Variants in ZNF514 observed in about 807,000 individuals in gnomAD.
ZNF514 encodes zinc finger protein 514.
ZNF514 carries 12 observed loss-of-function variants against 9.7 expected under a neutral mutation model. The observed-to-expected ratio is 1.24, with a 90% confidence interval of 0.79 to 2.01. The LOEUF (loss-of-function observed/expected upper bound fraction) is 2.01, where lower values mean the gene tolerates loss of function less well. Ranked by LOEUF, ZNF514 falls within the 30% of genes most tolerant of loss-of-function variation. The probability of loss-of-function intolerance (pLI) is 0.00; values close to 1 mark genes in which losing one functional copy is unlikely to be tolerated. For synonymous variants in ZNF514, 158 were observed against 163.7 expected, an observed-to-expected ratio of 0.97 and a Z score of 0.27; for missense variants, 467 against 465.5, an observed-to-expected ratio of 1.00 and a Z score of -0.03.
the ZNF514 span, among the ~76,000 whole-genome samples, chr2:95,135,013 AT>A: frequency 1.3e-5 from 2 of 152,224 alleles, no homozygotes; most frequent in South Asian, 4.1e-4. Flanking sequence ...AAGTTTTGAA[AT>A]TAGTAAGTGT....
Position 95,150,254 on chromosome 2 carries a change from C to T in ZNF514, c.231G>A (p.Arg77=). Residue 77 remains arginine (R), a synonymous_variant, in exon 5 of 5, where the codon AGG becomes AGA. Transcript: ENST00000295208. Reference sequence around the variant, plus strand: ...TTGGCATTGATTCCTTGGATTTAGACCTTCTCTTCCAGTCTGTTAAAAAAA... The same window carrying T: ...TTGGCATTGATTCCTTGGATTTAGATCTTCTCTTCCAGTCTGTTAAAAAAA... ...STGAHSDWKR[R]SKSKESMPSW... 1.3e-6 allele frequency: 2 copies of T among 1,553,124 alleles called. No homozygotes were observed. Among genetic ancestry groups the T allele is most frequent in the Non-Finnish European group, 1.7e-6 (2 of 1,158,488 alleles).
chr2:95,130,302 C>T, the ZNF514 span, among the ~76,000 whole-genome samples: 2 of 152,050 alleles, frequency 1.3e-5, no homozygotes, highest in Non-Finnish European at 2.9e-5. Flanking sequence ...GGAGGCAGGG[C>T]GAGATCACAG....
At chr2:95,143,449 G>A (rs1378505305), downstream of ZNF514, among the ~76,000 whole-genome samples, 3 of 151,928 alleles carry the variant, frequency 2.0e-5, no homozygotes, top group Non-Finnish European at 2.9e-5. Context: ...GGAGAAACCC[G>A]TCTCTATTAA....
At chr2:95,143,561 G>C (rs1360510003), downstream of ZNF514, among the ~76,000 whole-genome samples, 3 of 152,204 alleles carry the variant, frequency 2.0e-5, no homozygotes, top group Admixed American at 2.0e-4. Context: ...AGAAGTTACA[G>C]TGTGCCAAGA....
chr2:95,126,945 C>G, the ZNF514 span, among the ~76,000 whole-genome samples: 1 of 152,090 alleles, frequency 6.6e-6, no homozygotes, highest in African/African-American at 2.4e-5. Flanking sequence ...ATTGCGCCCA[C>G]CGTGAGACAG....
the ZNF514 span, among the ~76,000 whole-genome samples, chr2:95,127,229 G>T: frequency 1.3e-5 from 2 of 152,152 alleles, no homozygotes; most frequent in African/African-American, 2.4e-5. Flanking sequence ...CCCTTCACTC[G>T]AGGGACTCTG....
chr2:95,159,528 G>A lies in ZNF514; in HGVS notation c.-384C>T, dbSNP rs1673790045. On this transcript the variant is annotated 5_prime_UTR_variant, in exon 1 of 5. Coordinates refer to ENST00000295208, the MANE Select transcript of ZNF514 (RefSeq NM_032788.3). ...ACACACCCAGCTCTGTAAGGGGCCG[G>A]GGCGCGGGCCCAGTACAGGTCTGCG... 1 of 152,772 alleles carries A rather than the reference G, an allele frequency of 6.5e-6. No individual in the cohort carries two copies. The allele number at this position is 152,772 out of a possible 1,614,324, so 9.5% of individuals were successfully genotyped here.
At chr2:95,129,287 A>G in the ZNF514 span, among the ~76,000 whole-genome samples, 3 of 152,254 alleles carry the variant, frequency 2.0e-5, no homozygotes, top group Admixed American at 6.5e-5. Context: ...ACATTTATTC[A>G]GGAAGAGCTA....
the ZNF514 span, among the ~76,000 whole-genome samples, chr2:95,134,614 G>C: frequency 1.9e-4 from 29 of 152,154 alleles, no homozygotes; most frequent in Non-Finnish European, 3.4e-4. Context: ...ATACCCTTTA[G>C]CTGTTTCTCC....
the ZNF514 span, among the ~76,000 whole-genome samples, chr2:95,132,770 A>G: frequency 6.6e-6 from 1 of 151,276 alleles, no homozygotes; most frequent in East Asian, 2.0e-4. Flanking sequence ...CAGGAGGCTG[A>G]AGCAGGAGAC....
At position 95,152,739 on chromosome 2, in the gene ZNF514, C is replaced by A. The variant is rs757511183; in HGVS notation, c.152G>T (p.Cys51Phe). The A allele has an allele frequency of 5.0e-6, 8 of 1,614,062 alleles. No homozygotes were observed. The South Asian group carries it at 8.8e-5, about 18-fold the overall frequency. Residue 51 changes from cysteine to phenylalanine, a missense_variant, in exon 4 of 5, where the codon TGC becomes TTC. Physicochemically the swap from Cys to Phe is radical, Grantham distance 205. Transcript: ENST00000295208. ...GLLVSKPYVI[C>F]QLEEGGEPFM... ...GGGCTCACCCCCTTCCTCCAACTGGCAGATCACATATGGTTTGGATACTAG... is the reference window on the plus strand; with the variant it reads ...GGGCTCACCCCCTTCCTCCAACTGGAAGATCACATATGGTTTGGATACTAG...
At chr2:95,144,629 CCT>C (rs1465987228), downstream of ZNF514, among the ~76,000 whole-genome samples, 4 of 152,146 alleles carry the variant, frequency 2.6e-5, no homozygotes, top group African/African-American at 9.7e-5. Flanking sequence ...TGATTTGTGT[CCT>C]TTTTCTATAA....
At chr2:95,152,588 A>G in intron 4 of ZNF514, 86 bp downstream of exon 4, 1 of 1,067,534 alleles carries the variant, frequency 9.4e-7, no homozygotes, top group South Asian at 1.3e-5. Flanking sequence ...ATCTTCTGAA[A>G]GGACAGCACA....
rs1280777377 is a variant in ZNF514 at position 95,159,534 on chromosome 2, G to A, written c.-390C>T. 2 of 152,754 alleles carry A rather than the reference G, an allele frequency of 1.3e-5. No homozygotes were observed. Among genetic ancestry groups the A allele is most frequent in the Non-Finnish European group, 2.9e-5 (2 of 68,206 alleles). 9.5% of individuals were successfully genotyped at this position (152,754 alleles called of 1,614,324 possible). The stretch of plus-strand genomic sequence containing the variant: ...CCAGCTCTGTAAGGGGCCGGGGCGC[G>A]GGCCCAGTACAGGTCTGCGCGCCCG... On this transcript the variant is annotated 5_prime_UTR_variant, in exon 1 of 5. Coordinates refer to ENST00000295208, the MANE Select transcript of ZNF514 (RefSeq NM_032788.3).
chr2:95,152,246 C>T (rs1211207324), intron 4 of ZNF514, among the ~76,000 whole-genome samples: 1 of 152,134 alleles, frequency 6.6e-6, no homozygotes, highest in Non-Finnish European at 1.5e-5. Context: ...TTGAAGTGTC[C>T]TCACCTGGAT....
At chr2:95,130,043 C>G in the ZNF514 span, among the ~76,000 whole-genome samples, 74 of 152,138 alleles carry the variant, frequency 4.9e-4, no homozygotes, top group African/African-American at 1.6e-3. Context: ...CCGATAATCA[C>G]GTAGGTTCTT....
chr2:95,153,558 C>G (rs540232847), intron 2 of ZNF514: 3 of 214,136 alleles, frequency 1.4e-5, no homozygotes, highest in African/African-American at 6.8e-5. Flanking sequence ...AACAATAAGG[C>G]CAAATCAAGT....
the ZNF514 span, among the ~76,000 whole-genome samples, chr2:95,137,691 C>T: frequency 6.6e-6 from 1 of 152,048 alleles, no homozygotes; most frequent in Non-Finnish European, 1.5e-5. Flanking sequence ...GGGGTTGAAG[C>T]ATTTCCTTTC....
intron 1 of ZNF514, among the ~76,000 whole-genome samples, chr2:95,158,495 G>C (rs1673748243): frequency 6.6e-6 from 1 of 152,234 alleles, no homozygotes; most frequent in Non-Finnish European, 1.5e-5. Flanking sequence ...GGGGCTCAGA[G>C]GAGATACCCA....
Sources: gnomAD v4.1 joint callset for allele counts (sites outside exome capture counted in the v4.1 genomes callset) on GRCh38, gnomAD v4.1.1 for gene constraint, MANE v1.5 for transcripts, NCBI Gene and HGNC (gene_info 2026-07-23, HGNC 2026-07-21) for gene names.